Variants in ADAMTSL1 observed in about 807,000 individuals in gnomAD.
The protein encoded by ADAMTSL1 is ADAMTS-like protein 1.
A neutral mutation model predicts 201.8 loss-of-function variants in ADAMTSL1; 126 were observed. The ratio of observed to expected loss-of-function variants is 0.62; its 90% CI spans 0.54 to 0.72. The LOEUF (loss-of-function observed/expected upper bound fraction) is 0.72. ADAMTSL1 is among the 30% of genes least tolerant of loss of function. ADAMTSL1 has a pLI of 0.00. For synonymous variants in ADAMTSL1, 1,121 were observed against 903.4 expected (o/e 1.24, Z -4.32); for missense variants, 2,679 against 2,277.8 (o/e 1.18, Z -3.59).
At chr9:18,312,239 T>G (rs1402468170) in intron 2 of ADAMTSL1, among the ~76,000 whole-genome samples, 3 of 152,160 alleles carry the variant, frequency 2.0e-5, no homozygotes, top group Admixed American at 1.3e-4. Flanking sequence ...GTTTATCATC[T>G]AGAGGGCAAG....
At chr9:17,938,699 C>T (rs192859912) in intron 1 of ADAMTSL1, among the ~76,000 whole-genome samples, 21 of 152,192 alleles carry the variant, frequency 1.4e-4, no homozygotes, top group South Asian at 6.2e-4. Context: ...CATCTTCCTC[C>T]GACAAGATCC....
chr9:18,114,388 A>T (rs984188188), intron 1 of ADAMTSL1, among the ~76,000 whole-genome samples: 7 of 152,262 alleles, frequency 4.6e-5, no homozygotes, highest in Non-Finnish European at 1.0e-4. Context: ...TGCATATACC[A>T]TGTGAGGAAA....
At chr9:18,435,870 G>A (rs908965150) in intron 2 of ADAMTSL1, among the ~76,000 whole-genome samples, 10 of 152,064 alleles carry the variant, frequency 6.6e-5, no homozygotes, top group African/African-American at 1.2e-4. Flanking sequence ...GGAAAGACCC[G>A]TCCCCATGAG....
chr9:17,967,281 G>T (rs183806451), intron 1 of ADAMTSL1, among the ~76,000 whole-genome samples: 1 of 151,898 alleles, frequency 6.6e-6, no homozygotes. Flanking sequence ...TTATTTTCTG[G>T]CAACTTATAG....
chr9:18,726,850 G>A (rs1348236151), intron 15 of ADAMTSL1, among the ~76,000 whole-genome samples: 1 of 152,162 alleles, frequency 6.6e-6, no homozygotes, highest in Non-Finnish European at 1.5e-5. Flanking sequence ...AGGGAAGGGA[G>A]AAAAAGCTCA....
rs951875972 is a variant in ADAMTSL1, at chr9:18,505,299, T to C, written c.191+343T>C. On this transcript the variant is annotated intron_variant, in intron 2 of 28. Coordinates refer to ENST00000380548, the MANE Select transcript of ADAMTSL1 (RefSeq NM_001040272.6). ...GAATTATTAGCTCTATGACATATTGTACAGTATTGGTGTTAGTAGCATATT... is the reference window on the plus strand; with the variant it reads ...GAATTATTAGCTCTATGACATATTGCACAGTATTGGTGTTAGTAGCATATT... Among the ~76,000 whole-genome samples, 5 of 152,344 alleles carry C rather than the reference T, an allele frequency of 3.3e-5. No homozygotes were observed. The East Asian group carries it at 9.6e-4, about 29-fold the overall frequency.
chr9:18,056,172 C>G (rs1299064688), intron 1 of ADAMTSL1, among the ~76,000 whole-genome samples: 1 of 142,416 alleles, frequency 7.0e-6, no homozygotes, highest in Non-Finnish European at 1.5e-5. Context: ...TTTTTTTCCT[C>G]TGCCCTTCTC....
At chr9:18,607,895 A>G (rs1825129777) in intron 4 of ADAMTSL1, among the ~76,000 whole-genome samples, 1 of 152,164 alleles carries the variant, frequency 6.6e-6, no homozygotes, top group African/African-American at 2.4e-5. Context: ...TGTCCCTACA[A>G]AGGACATGAA....
chr9:18,587,733 A>G lies in ADAMTSL1; in HGVS notation c.474+13467A>G, dbSNP rs543133391. On this transcript the variant is annotated intron_variant, in intron 4 of 28. Coordinates refer to ENST00000380548, the MANE Select transcript of ADAMTSL1 (RefSeq NM_001040272.6). ...TCCCACATATGAGTGAGAACATGCA[A>G]TATTTGTCTTTCTGTGCCTGGTTTA... is the stretch of plus-strand genomic sequence containing the variant. Among the ~76,000 whole-genome samples, 8 of 152,240 alleles carry G rather than the reference A, an allele frequency of 5.3e-5. No homozygotes were observed. The East Asian group carries it at 1.4e-3, about 26-fold the overall frequency.
intron 5 of ADAMTSL1, among the ~76,000 whole-genome samples, chr9:18,629,295 G>A (rs1215682588): frequency 6.6e-6 from 1 of 152,052 alleles, no homozygotes; most frequent in Non-Finnish European, 1.5e-5. Flanking sequence ...GAATAGGAAT[G>A]ATGACAATGG....
At chr9:18,488,092 C>T (rs951789721) in intron 1 of ADAMTSL1, among the ~76,000 whole-genome samples, 3 of 152,170 alleles carry the variant, frequency 2.0e-5, no homozygotes, top group African/African-American at 7.2e-5. Flanking sequence ...AGAAGCAAAG[C>T]TAGGCTTAAG....
Position 17,968,848 on chromosome 9 carries a change from T to G in ADAMTSL1, c.87+61926T>G, listed in dbSNP as rs533016714. On this transcript the variant is annotated intron_variant, in intron 1 of 29. Transcript: ENST00000680146. Reference sequence around the variant, plus strand: ...AGGTTTTAAACATAATTTCTTTAAATGCAGAATGGTATCTAACTGCCTCAA... The same window carrying G: ...AGGTTTTAAACATAATTTCTTTAAAGGCAGAATGGTATCTAACTGCCTCAA... 3.3e-5 allele frequency among the ~76,000 whole-genome samples: 5 copies of G among 152,282 alleles called. No individual in the cohort carries two copies. The East Asian group carries it at 9.7e-4, about 29-fold the overall frequency.
intron 2 of ADAMTSL1, among the ~76,000 whole-genome samples, chr9:18,270,378 C>A (rs1319058258): frequency 6.6e-6 from 1 of 151,998 alleles, no homozygotes; most frequent in Non-Finnish European, 1.5e-5. Context: ...AACGTTCAGA[C>A]CATAGGAGAC....
At chr9:18,488,293 T>C (rs1398764725) in intron 1 of ADAMTSL1, among the ~76,000 whole-genome samples, 1 of 152,202 alleles carries the variant, frequency 6.6e-6, no homozygotes, top group African/African-American at 2.4e-5. Flanking sequence ...TTATTCTTAA[T>C]CTAGGGGCGC....
intron 2 of ADAMTSL1, among the ~76,000 whole-genome samples, chr9:18,464,977 A>G (rs1388808298): frequency 2.0e-5 from 3 of 152,232 alleles, no homozygotes; most frequent in African/African-American, 2.4e-5. Flanking sequence ...TCAAAAAAAT[A>G]AAACATAATA....
chr9:18,539,575 T>C (rs1437865175), intron 3 of ADAMTSL1, among the ~76,000 whole-genome samples: 19 of 152,214 alleles, frequency 1.2e-4, no homozygotes, highest in Admixed American at 1.2e-3. Flanking sequence ...CTCTTTGAAC[T>C]ATTTGATCAT....
At chr9:18,323,478 C>A (rs1402235025) in intron 2 of ADAMTSL1, among the ~76,000 whole-genome samples, 1 of 152,002 alleles carries the variant, frequency 6.6e-6, no homozygotes, top group Non-Finnish European at 1.5e-5. Context: ...TAGAGCAAAT[C>A]AAGGATGTTT....
At chr9:18,113,262 C>G (rs556261720) in intron 1 of ADAMTSL1, among the ~76,000 whole-genome samples, 48 of 152,214 alleles carry the variant, frequency 3.2e-4, no homozygotes, top group South Asian at 8.3e-4. Context: ...TGACTAATGA[C>G]AGTGGCAGTG....
chr9:17,932,446 A>G, intron 1 of ADAMTSL1, among the ~76,000 whole-genome samples: 1 of 152,150 alleles, frequency 6.6e-6, no homozygotes, highest in East Asian at 1.9e-4. Context: ...TACATTTTAT[A>G]TCTCTTATGC....
Sources: gnomAD v4.1 joint callset for allele counts (sites outside exome capture counted in the v4.1 genomes callset) on GRCh38, gnomAD v4.1.1 for gene constraint, MANE v1.5 for transcripts, NCBI Gene and HGNC (gene_info 2026-07-23, HGNC 2026-07-21) for gene names.